Variants in POU2F1 observed in about 807,000 individuals in gnomAD.
POU2F1 encodes the protein POU domain, class 2, transcription factor 1.
A neutral mutation model predicts 84.9 loss-of-function variants in POU2F1; 16 were observed. The observed-to-expected ratio is 0.19, with a 90% CI of 0.13 to 0.29. The LOEUF is 0.29. Among genes scored for constraint, POU2F1 ranks in the 10% least tolerant of loss-of-function variants. The pLI is 1.00. For synonymous variants in POU2F1, 368 were observed against 368.3 expected, an observed-to-expected ratio of 1.00 and a Z score of 0.01; for missense variants, 738 against 942.6, an observed-to-expected ratio of 0.78 and a Z score of 2.84.
At position 167,401,517 on chromosome 1, in the gene POU2F1, C is replaced by A; in HGVS notation, c.1516C>A (p.Pro506Thr). 1 of 1,612,964 alleles carries A rather than the reference C, an allele frequency of 6.2e-7. No individual in the cohort carries two copies. The change falls in exon 13 of 16, where the codon CCT becomes ACT. Residue 506 changes from proline (P) to threonine (T), a missense_variant. Physicochemically the swap from Pro to Thr is conservative, Grantham distance 38 (BLOSUM62 -1). This residue lies in a region of POU2F1 where 319 missense variants were observed against 386.0 expected (regional missense o/e 0.83). Transcript: ENST00000367866. ...ATTLTVSPVL[P>T]LTSAAVTNLS... The stretch of plus-strand genomic sequence containing the variant: ...TACCCTCACAGTCAGCCCTGTCCTC[C>A]CTCTGACCAGTGCTGCTGTGACGAA...
At chr1:167,340,239 C>G (rs1657744397) in intron 2 of POU2F1, among the ~76,000 whole-genome samples, 1 of 151,638 alleles carries the variant, frequency 6.6e-6, no homozygotes, top group African/African-American at 2.4e-5. Flanking sequence ...AACCACCATG[C>G]CTGACTAATT....
chr1:167,237,746 G>GTGTATATA (rs1478366181), intron 1 of POU2F1, among the ~76,000 whole-genome samples: 1 of 72,984 alleles, frequency 1.4e-5, no homozygotes, highest in African/African-American at 5.4e-5. Context: ...ATGTGTGTGT[G>GTGTATATA]TATATATATA....
intron 1 of POU2F1, among the ~76,000 whole-genome samples, chr1:167,268,091 T>C (rs1227453427): frequency 4.6e-5 from 7 of 152,276 alleles, no homozygotes; most frequent in South Asian, 2.1e-4. Context: ...CACTTAGATA[T>C]TGGTTCTGCT....
chr1:167,363,548 CTACT>C (rs1053337953), intron 2 of POU2F1, among the ~76,000 whole-genome samples: 4 of 152,074 alleles, frequency 2.6e-5, no homozygotes, highest in Non-Finnish European at 5.9e-5. Flanking sequence ...ATGGAAGTGA[CTACT>C]TACTTGACTA....
At chr1:167,266,861 A>T (rs1045686967) in intron 1 of POU2F1, among the ~76,000 whole-genome samples, 4 of 151,970 alleles carry the variant, frequency 2.6e-5, no homozygotes, top group African/African-American at 9.7e-5. Context: ...TGACCTCATG[A>T]TCTGCCTGTC....
intron 1 of POU2F1, among the ~76,000 whole-genome samples, chr1:167,263,687 A>G (rs1172336499): frequency 6.6e-6 from 1 of 152,190 alleles, no homozygotes; most frequent in Non-Finnish European, 1.5e-5. Context: ...GCTGCTGAAT[A>G]AAGTCCAGAT....
chr1:167,407,249 C>T (rs2101932619), intron 13 of POU2F1, among the ~76,000 whole-genome samples: 1 of 152,100 alleles, frequency 6.6e-6, no homozygotes, highest in Admixed American at 6.5e-5. Flanking sequence ...AGGCTGGTCT[C>T]GAACTCCTGG....
Position 167,398,251 on chromosome 1 carries a change from A to T in POU2F1, c.1269+118A>T. ...ATGTCAGCCTCTGCTCTTATGGATG[A>T]TTATAAATAGGTGAAGTAAGTAAGT... On this transcript the variant is annotated intron_variant, in intron 11 of 15. Transcript: ENST00000367866. 9 of 1,225,428 alleles carry T rather than the reference A, an allele frequency of 7.3e-6. 1 individual carries two copies. The South Asian group carries it at 1.2e-4, about 17-fold the overall frequency. 75.9% of individuals were successfully genotyped at this position (1,225,428 alleles called of 1,614,324 possible).
chr1:167,248,577 C>G (rs909729725), intron 1 of POU2F1, among the ~76,000 whole-genome samples: 6 of 152,028 alleles, frequency 3.9e-5, no homozygotes, highest in African/African-American at 1.2e-4. Flanking sequence ...GTTCACTTAA[C>G]CCAGTAGTTT....
chr1:167,381,883 T>G (rs1225269267), intron 7 of POU2F1, among the ~76,000 whole-genome samples: 1 of 152,140 alleles, frequency 6.6e-6, no homozygotes, highest in Non-Finnish European at 1.5e-5. Flanking sequence ...GTGCTGGGAT[T>G]ACACACATGA....
In POU2F1 at chr1:167,267,630, CTTTTTTTT is replaced by C. The variant is rs71073658; in HGVS notation, c.61+46690_61+46697del. ...TGTGAAAGTATCACAGTTACTGTGTCTTTTTTTTTTTTTTTTTTTTTTTTTGAGATGGA... is the reference window on the plus strand; with the variant it reads ...TGTGAAAGTATCACAGTTACTGTGTCTTTTTTTTTTTTTTTTTGAGATGGA... On this transcript the variant is annotated intron_variant, in intron 1 of 15. Transcript: ENST00000367866. 6.4e-4 allele frequency among the ~76,000 whole-genome samples: 45 copies of C among 70,486 alleles called. 1 individual carries two copies. The highest frequency in any genetic ancestry group is 2.2e-3 in the African/African-American group (41 of 18,362). The allele number at this position is 70,486 out of a possible 152,430, so 46.2% of individuals were successfully genotyped here. A position where few individuals can be genotyped will look rare whatever the true frequency, so the allele number is the denominator to read the frequency against.
chr1:167,369,232 T>C (rs1286398559), intron 3 of POU2F1, among the ~76,000 whole-genome samples: 1 of 152,186 alleles, frequency 6.6e-6, no homozygotes, highest in Non-Finnish European at 1.5e-5. Flanking sequence ...TCTACACTTT[T>C]GTTAGGGATG....
intron 1 of POU2F1, among the ~76,000 whole-genome samples, chr1:167,307,165 T>G (rs929606844): frequency 6.6e-6 from 1 of 152,196 alleles, no homozygotes; most frequent in Non-Finnish European, 1.5e-5. Flanking sequence ...GTTTCAAACT[T>G]TTTCTTCAAA....
intron 1 of POU2F1, among the ~76,000 whole-genome samples, chr1:167,310,047 A>G (rs1655350947): frequency 6.6e-6 from 1 of 152,156 alleles, no homozygotes; most frequent in Admixed American, 6.5e-5. Context: ...AAAATCAAGG[A>G]GTTACTATAT....
rs559399248 is a variant in POU2F1 at position 167,338,241 on chromosome 1, A to G, written c.127+5706A>G. The G allele has an allele frequency of 7.0e-4, 326 of 463,156 alleles. 4 individuals carry two copies. The highest frequency in any genetic ancestry group is 2.3e-3 in the South Asian group (151 of 64,558). The allele number at this position is 463,156 out of a possible 1,614,324, so 28.7% of individuals were successfully genotyped here. A position where few individuals can be genotyped will look rare whatever the true frequency, so the allele number is the denominator to read the frequency against. On this transcript the variant is annotated intron_variant, in intron 2 of 15. Coordinates refer to ENST00000367866, the MANE Select transcript of POU2F1 (RefSeq NM_002697.4). ...AGGATGAAGATCTTTGTGATGATCC[A>G]CTTCCACTTAATGAATAGTAAATAT...
intron 10 of POU2F1, chr1:167,396,784 T>G (rs1249019278): frequency 6.1e-6 from 1 of 165,168 alleles, no homozygotes; most frequent in Non-Finnish European, 1.3e-5. Context: ...TCTTCCTTGA[T>G]GAATTATCAT....
intron 8 of POU2F1, among the ~76,000 whole-genome samples, chr1:167,384,462 T>C (rs77193908): frequency 0.025 from 3,733 of 152,230 alleles, 146 homozygotes; most frequent in African/African-American, 0.083. Flanking sequence ...ATTCCACTTC[T>C]TATCTAGCTG....
At chr1:167,282,834 A>G (rs1380917615) in intron 1 of POU2F1, among the ~76,000 whole-genome samples, 1 of 152,238 alleles carries the variant, frequency 6.6e-6, no homozygotes, top group African/African-American at 2.4e-5. Flanking sequence ...AGCTTGCTCC[A>G]GAGGCCTACT....
intron 7 of POU2F1, among the ~76,000 whole-genome samples, chr1:167,381,637 G>A (rs1385453606): frequency 1.2e-5 from 1 of 85,122 alleles, no homozygotes; most frequent in Non-Finnish European, 2.2e-5. Context: ...TTGAGACAGA[G>A]TCTTGTTTTT....
Sources: allele counts gnomAD v4.1 joint callset (sites outside exome capture counted in the v4.1 genomes callset), GRCh38; gene constraint gnomAD v4.1.1; regional missense constraint gnomAD v4.1.1; transcripts MANE v1.5; gene names NCBI Gene and HGNC (gene_info 2026-07-23, HGNC 2026-07-21).